The following PEX3 variants were observed in gnomAD, a reference collection of about 807,000 sequenced individuals.
PEX3 encodes peroxin-3.
PEX3 carries 30 observed loss-of-function variants against 55.8 expected under a neutral mutation model. The ratio of observed to expected loss-of-function variants is 0.54; its 90% confidence interval spans 0.40 to 0.73. The LOEUF is 0.73. Ranked by LOEUF, PEX3 falls within the 30% of genes least tolerant of loss-of-function variation. The pLI, the probability that PEX3 is intolerant of heterozygous loss-of-function variation, is 0.00. For missense variants in PEX3, 351 were observed against 432.8 expected, an observed-to-expected ratio of 0.81 and a Z score of 1.68; for synonymous variants, 135 against 148.4, an observed-to-expected ratio of 0.91 and a Z score of 0.66.
At chr6:143,481,171 A>T (rs1780236356) in intron 10 of PEX3, among the ~76,000 whole-genome samples, 2 of 147,360 alleles carry the variant, frequency 1.4e-5, no homozygotes, top group East Asian at 1.9e-4. Context: ...TATATATATA[A>T]AATATATATG....
chr6:143,477,889 G>A (rs141718099), intron 9 of PEX3, among the ~76,000 whole-genome samples: 4 of 151,890 alleles, frequency 2.6e-5, no homozygotes, highest in Non-Finnish European at 5.9e-5. Context: ...ATAAAGTTCA[G>A]CCCAAATTAC....
At chr6:143,473,323 T>C (rs1780100311) in intron 8 of PEX3, among the ~76,000 whole-genome samples, 2 of 152,066 alleles carry the variant, frequency 1.3e-5, no homozygotes, top group South Asian at 4.1e-4. Flanking sequence ...ACAGAACAGA[T>C]GGAACAGAAT....
In PEX3 at chr6:143,490,612, C is replaced by G; in HGVS notation, c.*1386C>G. 8.5e-7 allele frequency: 1 copy of G among 1,179,378 alleles called. No homozygotes were observed. Among genetic ancestry groups the G allele is most frequent in the Admixed American group, 2.4e-5 (1 of 41,264 alleles). 73.1% of individuals were successfully genotyped at this position (1,179,378 alleles called of 1,614,324 possible). A position where few individuals can be genotyped will look rare whatever the true frequency, so the allele number is the denominator to read the frequency against. On this transcript the variant is annotated 3_prime_UTR_variant, in exon 12 of 12. Transcript: ENST00000367591. This position sits in a 1 kb window ranked among gnomAD's most constrained non-coding sequence, Gnocchi z 6.0. ...GGCTTAATAAAACCTGATTTGAAAA[C>G]AAAATCTGAGAATGGATTGGAATTT...
chr6:143,481,814 C>G (rs1053235431), intron 10 of PEX3, among the ~76,000 whole-genome samples: 1 of 151,736 alleles, frequency 6.6e-6, no homozygotes, highest in Non-Finnish European at 1.5e-5. Context: ...GGCAGGAATT[C>G]AAGACCAGCC....
At position 143,471,943 on chromosome 6, in the gene PEX3, G is replaced by C. The variant is rs1299188391; in HGVS notation, c.579-217G>C. ...ACTAGTAATATCTATAATTACAGTA[G>C]GAATTCTCTTATGGAATCCAGAGAA... is the stretch of plus-strand genomic sequence containing the variant. On this transcript the variant is annotated intron_variant, in intron 7 of 11. Transcript: ENST00000367591. The surrounding 1 kb of genome is among the most constrained non-coding windows in gnomAD (Gnocchi z 5.4). Among the ~76,000 whole-genome samples, 3 of 152,078 alleles carry C rather than the reference G, an allele frequency of 2.0e-5. No homozygotes were observed. In the East Asian group the frequency reaches 5.8e-4, roughly 29 times the overall value.
At position 143,471,317 on chromosome 6, in the gene PEX3, T is replaced by A. The variant is rs914496796; in HGVS notation, c.457-66T>A. 2 of 1,284,090 alleles carry A rather than the reference T, an allele frequency of 1.6e-6. No homozygotes were observed. Among genetic ancestry groups the A allele is most frequent in the Non-Finnish European group, 2.3e-6 (2 of 885,796 alleles). 79.5% of individuals were successfully genotyped at this position (1,284,090 alleles called of 1,614,324 possible). A position where few individuals can be genotyped will look rare whatever the true frequency, so the allele number is the denominator to read the frequency against. On this transcript the variant is annotated intron_variant, in intron 5 of 11. Transcript: ENST00000367591. This position sits in a 1 kb window ranked among gnomAD's most constrained non-coding sequence, Gnocchi z 5.4. ...TTGAAAAATCTCAGCCAAAGTTTTA[T>A]TGAAAACATTTCTTATTTACCAGTT... is the stretch of plus-strand genomic sequence containing the variant.
intron 10 of PEX3, among the ~76,000 whole-genome samples, chr6:143,480,064 G>A (rs1325268577): frequency 6.6e-6 from 1 of 151,992 alleles, no homozygotes; most frequent in Non-Finnish European, 1.5e-5. Context: ...TTACTTACCA[G>A]ATTCTCTGAG....
Position 143,458,957 on chromosome 6 carries a change from T to C in PEX3, c.74-128T>C. On this transcript the variant is annotated intron_variant, in intron 1 of 11. Coordinates refer to ENST00000367591, the MANE Select transcript of PEX3 (RefSeq NM_003630.3). The surrounding 1 kb of genome is among the most constrained non-coding windows in gnomAD (Gnocchi z 6.1). ...TGGGCCAATCTTACAAAATTCTTTA[T>C]TTAGGTTTTAAAAATGTAATTTTAG... The C allele has an allele frequency of 1.5e-6, 1 of 651,988 alleles. No individual in the cohort carries two copies. The highest frequency in any genetic ancestry group is 2.9e-5 in the Admixed American group (1 of 35,084). 40.4% of individuals were successfully genotyped at this position (651,988 alleles called of 1,614,324 possible).
At position 143,451,152 on chromosome 6, in the gene PEX3, A is replaced by C; in HGVS notation, c.73+37A>C. ...CGTGCTTGAAAGGGGGCATTGGGAG[A>C]AGGGGGTGGGAGAGGTGACTTCTTC... is the stretch of plus-strand genomic sequence containing the variant. On this transcript the variant is annotated intron_variant, in intron 1 of 11. Coordinates refer to ENST00000367591, the MANE Select transcript of PEX3 (RefSeq NM_003630.3). This position sits in a 1 kb window ranked among gnomAD's most constrained non-coding sequence, Gnocchi z 4.1. 41 of 1,367,982 alleles carry C rather than the reference A, an allele frequency of 3.0e-5. No homozygotes were observed. The highest frequency in any genetic ancestry group is 4.1e-5 in the Non-Finnish European group (39 of 955,306). The allele number at this position is 1,367,982 out of a possible 1,614,324, so 84.7% of individuals were successfully genotyped here. A position where few individuals can be genotyped will look rare whatever the true frequency, so the allele number is the denominator to read the frequency against.
In PEX3 at chr6:143,451,259, C is replaced by T; in HGVS notation, c.73+144C>T. On this transcript the variant is annotated intron_variant, in intron 1 of 11. Transcript: ENST00000367591. The surrounding 1 kb of genome is among the most constrained non-coding windows in gnomAD (Gnocchi z 4.1). ...AACCATGGGATGAAAAGGGAGGTGG[C>T]CAACCTCCAGGGTTCTCCCATCTCT... 1 of 707,074 alleles carries T rather than the reference C, an allele frequency of 1.4e-6. No homozygotes were observed. The allele number at this position is 707,074 out of a possible 1,614,324, so 43.8% of individuals were successfully genotyped here.
In PEX3 at chr6:143,470,947, T is replaced by C; in HGVS notation, c.332-14T>C. ...TTAATCACAGTACCAAATGCTTTTC[T>C]TTTCTCTGTGAAGGTTTCACAAGAA... On this transcript the variant is annotated splice_polypyrimidine_tract_variant and intron_variant, in intron 4 of 11. Coordinates refer to ENST00000367591, the MANE Select transcript of PEX3 (RefSeq NM_003630.3). The C allele has an allele frequency of 5.6e-6, 9 of 1,611,098 alleles. No homozygotes were observed. The highest frequency in any genetic ancestry group is 1.3e-5 in the African/African-American group (1 of 74,938).
rs78996042 is a variant in PEX3 at position 143,451,905 on chromosome 6, A to T, written c.73+790A>T. Among the ~76,000 whole-genome samples, 279 of 152,368 alleles carry T rather than the reference A, an allele frequency of 1.8e-3. No individual in the cohort carries two copies. The highest frequency in any genetic ancestry group is 6.3e-3 in the African/African-American group (260 of 41,584). On this transcript the variant is annotated intron_variant, in intron 1 of 11. Transcript: ENST00000367591. The surrounding 1 kb of genome is among the most constrained non-coding windows in gnomAD (Gnocchi z 4.1). ...GAATAAAAGTTTTGTGAATTATATG[A>T]AAAGGACATCTAGGAACTATAAAAG...
intron 1 of PEX3, among the ~76,000 whole-genome samples, chr6:143,452,573 AT>A (rs35827941): frequency 6.6e-6 from 1 of 152,208 alleles, no homozygotes; most frequent in African/African-American, 2.4e-5. Flanking sequence ...TAAACTTATA[AT>A]TTTTTTAAAA....
intron 8 of PEX3, among the ~76,000 whole-genome samples, chr6:143,473,940 A>G (rs1028051115): frequency 2.0e-5 from 3 of 151,766 alleles, no homozygotes; most frequent in African/African-American, 7.3e-5. Context: ...CAGCCTGGGA[A>G]GCATAACAAG....
chr6:143,455,585 A>G (rs1779835256), intron 1 of PEX3, among the ~76,000 whole-genome samples: 2 of 152,068 alleles, frequency 1.3e-5, no homozygotes, highest in African/African-American at 4.8e-5. Context: ...TTCTAATGTA[A>G]GTGGAACAGG....
Position 143,464,349 on chromosome 6 carries a change from T to C in PEX3, c.287+1352T>C, listed in dbSNP as rs1487958289. Among the ~76,000 whole-genome samples the C allele has an allele frequency of 6.6e-6, 1 of 152,068 alleles. No individual in the cohort carries two copies. The highest frequency in any genetic ancestry group is 1.5e-5 in the Non-Finnish European group (1 of 67,920). ...GTTTCCTGCAAGGCCCTATGTTCCA[T>C]GTGCTTTAGGGGATTTAATAGTTAA... On this transcript the variant is annotated intron_variant, in intron 3 of 11. Coordinates refer to ENST00000367591, the MANE Select transcript of PEX3 (RefSeq NM_003630.3). The surrounding 1 kb of genome is among the most constrained non-coding windows in gnomAD (Gnocchi z 5.8).
chr6:143,471,541 G>T lies in PEX3; in HGVS notation c.524-16G>T, dbSNP rs1415777342. On this transcript the variant is annotated splice_polypyrimidine_tract_variant and intron_variant, in intron 6 of 11. Coordinates refer to ENST00000367591, the MANE Select transcript of PEX3 (RefSeq NM_003630.3). The surrounding 1 kb of genome is among the most constrained non-coding windows in gnomAD (Gnocchi z 5.4). ...TAAACTAAGCAAGGCTTTTAGGTTT[G>T]TTTTTTCTTTAATAGGCCTGACAGA... is the stretch of plus-strand genomic sequence containing the variant. The T allele has an allele frequency of 3.7e-6, 6 of 1,607,202 alleles. No homozygotes were observed. The highest frequency in any genetic ancestry group is 4.3e-6 in the Non-Finnish European group (5 of 1,174,348).
rs1488175522 is a variant in PEX3, at chr6:143,475,164, A to T, written c.818+308A>T. Reference sequence around the variant, plus strand: ...ACCTCATCATTTCATGAAGCTCTGGAGAAGGTCATCAGTGATCTTTTGCCA... The same window carrying T: ...ACCTCATCATTTCATGAAGCTCTGGTGAAGGTCATCAGTGATCTTTTGCCA... On this transcript the variant is annotated intron_variant, in intron 9 of 11. Coordinates refer to ENST00000367591, the MANE Select transcript of PEX3 (RefSeq NM_003630.3). The surrounding 1 kb of genome is among the most constrained non-coding windows in gnomAD (Gnocchi z 4.4). Among the ~76,000 whole-genome samples the T allele has an allele frequency of 1.3e-5, 2 of 152,046 alleles. No individual in the cohort carries two copies. The highest frequency in any genetic ancestry group is 1.3e-4 in the Admixed American group (2 of 15,276).
In PEX3 at chr6:143,465,248, T is replaced by C. The variant is rs1329799700; in HGVS notation, c.287+2251T>C. On this transcript the variant is annotated intron_variant, in intron 3 of 11. Coordinates refer to ENST00000367591, the MANE Select transcript of PEX3 (RefSeq NM_003630.3). This position sits in a 1 kb window ranked among gnomAD's most constrained non-coding sequence, Gnocchi z 4.7. ...TGAAGGTACTTTTCTCTGTTCTACA[T>C]AGATTTGGAATCTTTTATGTAGATT... Among the ~76,000 whole-genome samples, 2 of 152,006 alleles carry C rather than the reference T, an allele frequency of 1.3e-5. No individual in the cohort carries two copies. The highest frequency in any genetic ancestry group is 2.9e-5 in the Non-Finnish European group (2 of 67,878).
Sources: gnomAD v4.1 joint callset for allele counts (sites outside exome capture counted in the v4.1 genomes callset) on GRCh38, gnomAD v4.1.1 for gene constraint, Gnocchi (gnomAD v3.1) non-coding constraint, MANE v1.5 for transcripts, NCBI Gene and HGNC (gene_info 2026-07-23, HGNC 2026-07-21) for gene names.